ALK: variants seen among roughly 807,000 people sequenced by gnomAD.
ALK encodes the protein ALK receptor tyrosine kinase.
In ALK, 74 loss-of-function variants were observed where a neutral mutation model predicts 163.1. The observed-to-expected ratio is 0.45, with a 90% CI of 0.38 to 0.55. The LOEUF is 0.55. Among genes scored for constraint, ALK ranks in the 20% least tolerant of loss-of-function variants. ALK has a pLI of 0.00. For missense variants in ALK, 2,063 were observed against 2,105.3 expected, an observed-to-expected ratio of 0.98 and a Z score of 0.39; for synonymous variants, 960 against 843.2, an observed-to-expected ratio of 1.14 and a Z score of -2.40.
At chr2:29,362,026 C>A (rs572981678) in intron 5 of ALK, among the ~76,000 whole-genome samples, 7 of 152,094 alleles carry the variant, frequency 4.6e-5, no homozygotes, top group African/African-American at 1.7e-4. Flanking sequence ...GACACAAAGG[C>A]TTAGGGGGTC....
At chr2:29,550,245 C>G (rs1673679292) in intron 3 of ALK, among the ~76,000 whole-genome samples, 1 of 152,146 alleles carries the variant, frequency 6.6e-6, no homozygotes. Flanking sequence ...ATTAAACCTA[C>G]TTTTTAGTTG....
At chr2:29,215,574 C>CTAAT (rs932081372) in intron 23 of ALK, among the ~76,000 whole-genome samples, 2 of 152,154 alleles carry the variant, frequency 1.3e-5, no homozygotes, top group Non-Finnish European at 2.9e-5. Context: ...GGTCACACAG[C>CTAAT]TAATAAGCGT....
In ALK at chr2:29,831,863, G is replaced by T. The variant is rs376568163; in HGVS notation, c.667+88130C>A. On this transcript the variant is annotated intron_variant, in intron 1 of 28. Coordinates refer to ENST00000389048, the MANE Select transcript of ALK (RefSeq NM_004304.5). Reference sequence around the variant, plus strand: ...ACATTATTTGTGAGCATCTGTCTGGGTTAATGGCCAATATCTCCTGAATAG... The same window carrying T: ...ACATTATTTGTGAGCATCTGTCTGGTTTAATGGCCAATATCTCCTGAATAG... 5.3e-5 allele frequency among the ~76,000 whole-genome samples: 8 copies of T among 152,150 alleles called. No individual in the cohort carries two copies. The East Asian group carries it at 7.7e-4, about 15-fold the overall frequency.
chr2:29,462,713 G>A (rs921849670), intron 4 of ALK, among the ~76,000 whole-genome samples: 1 of 152,078 alleles, frequency 6.6e-6, no homozygotes, highest in Non-Finnish European at 1.5e-5. Context: ...ATCTTAATGA[G>A]GTATGCCTGT....
intron 4 of ALK, among the ~76,000 whole-genome samples, chr2:29,507,733 C>A (rs778381302): frequency 5.9e-5 from 9 of 152,024 alleles, no homozygotes; most frequent in African/African-American, 1.5e-4. Flanking sequence ...TCTAGAGAAG[C>A]AAGAACTTCC....
intron 3 of ALK, among the ~76,000 whole-genome samples, chr2:29,548,199 C>G (rs1039650332): frequency 1.3e-5 from 2 of 152,096 alleles, no homozygotes; most frequent in Admixed American, 1.3e-4. Context: ...CACAGCCGAG[C>G]GCGGTGGCTC....
intron 4 of ALK, among the ~76,000 whole-genome samples, chr2:29,498,740 C>G (rs145352224): frequency 6.6e-6 from 1 of 152,348 alleles, no homozygotes; most frequent in East Asian, 1.9e-4. Flanking sequence ...CACAGCCGCC[C>G]TGATTGAGAT....
intron 25 of ALK, 51 bp downstream of exon 25, chr2:29,209,735 G>A (rs1340311651): frequency 3.7e-6 from 5 of 1,367,970 alleles, no homozygotes; most frequent in South Asian, 2.3e-5. Flanking sequence ...CATTCTTGAG[G>A]GGCTGAGGTG....
intron 1 of ALK, among the ~76,000 whole-genome samples, chr2:29,744,830 A>T (rs1298673056): frequency 6.6e-6 from 1 of 152,062 alleles, no homozygotes; most frequent in African/African-American, 2.4e-5. Context: ...GAGAGAGCAG[A>T]TGGAAGCTGT....
intron 3 of ALK, among the ~76,000 whole-genome samples, chr2:29,676,360 G>C (rs546711360): frequency 5.3e-5 from 8 of 151,978 alleles, no homozygotes; most frequent in African/African-American, 1.2e-4. Flanking sequence ...GTTAATTTTT[G>C]TGTATGGTAT....
chr2:29,626,919 G>C (rs543046818), intron 3 of ALK, among the ~76,000 whole-genome samples: 23 of 152,192 alleles, frequency 1.5e-4, no homozygotes, highest in Admixed American at 6.5e-5. Flanking sequence ...GCAGTGAAAA[G>C]AGAGCCCCTC....
chr2:29,697,266 G>T (rs1240264660), intron 2 of ALK, among the ~76,000 whole-genome samples: 3 of 152,156 alleles, frequency 2.0e-5, no homozygotes, highest in Non-Finnish European at 4.4e-5. Flanking sequence ...CTCCAGAGAA[G>T]AGGGCCAAGG....
chr2:29,581,156 A>G (rs1219921962), intron 3 of ALK, among the ~76,000 whole-genome samples: 2 of 152,178 alleles, frequency 1.3e-5, no homozygotes, highest in African/African-American at 2.4e-5. Flanking sequence ...TTGGGAGGCC[A>G]AGGTGGGCGG....
At chr2:29,422,019 T>C (rs1224962974) in intron 4 of ALK, among the ~76,000 whole-genome samples, 1 of 151,486 alleles carries the variant, frequency 6.6e-6, no homozygotes, top group Non-Finnish European at 1.5e-5. Flanking sequence ...ATTCTGGAAT[T>C]CACCCAGACA....
At chr2:29,441,388 G>A (rs554823961) in intron 4 of ALK, among the ~76,000 whole-genome samples, 209 of 152,318 alleles carry the variant, frequency 1.4e-3, no homozygotes, top group Non-Finnish European at 2.1e-3. Context: ...CCTTAGCAGG[G>A]CAGGGCCCGC....
At chr2:29,483,155 C>A (rs112091711) in intron 4 of ALK, among the ~76,000 whole-genome samples, 1 of 152,182 alleles carries the variant, frequency 6.6e-6, no homozygotes, top group Non-Finnish European at 1.5e-5. Context: ...AGCTGTATGA[C>A]CTGGGTAAGC....
intron 1 of ALK, among the ~76,000 whole-genome samples, chr2:29,867,127 G>A (rs1666455437): frequency 1.3e-5 from 2 of 152,048 alleles, no homozygotes; most frequent in East Asian, 1.9e-4. Flanking sequence ...GACACTCCAC[G>A]GCACAACAGT....
intron 5 of ALK, among the ~76,000 whole-genome samples, chr2:29,381,464 A>G (rs1175650126): frequency 2.0e-5 from 3 of 152,190 alleles, no homozygotes; most frequent in Non-Finnish European, 2.9e-5. Context: ...TGCGGGGAGA[A>G]TTGTCCCATG....
chr2:29,513,174 A>G (rs1192212908), intron 4 of ALK, among the ~76,000 whole-genome samples: 4 of 148,234 alleles, frequency 2.7e-5, no homozygotes, highest in Admixed American at 1.3e-4. Context: ...GGAACCAAAA[A>G]AGAGCCCACA....
Sources: gnomAD v4.1 joint callset for allele counts (sites outside exome capture counted in the v4.1 genomes callset) on GRCh38, gnomAD v4.1.1 for gene constraint, MANE v1.5 for transcripts, NCBI Gene and HGNC (gene_info 2026-07-23, HGNC 2026-07-21) for gene names.